Variants in ANKRD36C observed in about 807,000 individuals in gnomAD.
ANKRD36C encodes the protein ankyrin repeat domain-containing protein 36C.
Under a neutral mutation model 276.4 loss-of-function variants are expected in ANKRD36C, and 61 were observed. The ratio of observed to expected loss-of-function variants is 0.22; its 90% CI spans 0.18 to 0.27. The LOEUF is 0.27. ANKRD36C is among the 10% of genes least tolerant of loss of function. The pLI, the probability that ANKRD36C is intolerant of heterozygous loss-of-function variation, is 1.00. For missense variants in ANKRD36C, 1,447 were observed against 2,032.3 expected, an observed-to-expected ratio of 0.71 and a Z score of 5.54; for synonymous variants, 483 against 680.1, an observed-to-expected ratio of 0.71 and a Z score of 4.51.
At chr2:95,891,687 C>T (rs1573744432) in exon 46 of ANKRD36C, 1 of 1,570,982 alleles carries the variant, frequency 6.4e-7, no homozygotes, top group Non-Finnish European at 8.6e-7. Context: ...TTTCTCCATG[C>T]TTTTTTCCTC....
chr2:95,883,697 C>A (rs1214591178), intron 54 of ANKRD36C, among the ~76,000 whole-genome samples: 1 of 152,014 alleles, frequency 6.6e-6, no homozygotes. Flanking sequence ...ATTTTCCCTC[C>A]TTTCTGCCTG....
At chr2:95,880,780 G>T (rs1417567614) in intron 56 of ANKRD36C, among the ~76,000 whole-genome samples, 157 bp from the exon 77 acceptor site, 1 of 152,072 alleles carries the variant, frequency 6.6e-6, no homozygotes, top group Non-Finnish European at 1.5e-5. Context: ...TAATATGATA[G>T]AAATGCAATG....
chr2:95,921,841 G>A, intron 32 of ANKRD36C, 31 bp from the exon 33 acceptor site: 1 of 1,576,254 alleles, frequency 6.3e-7, no homozygotes, highest in Non-Finnish European at 8.6e-7. Context: ...TCACTCATAT[G>A]TAAATATGAT....
At chr2:95,921,760 A>G (rs754170822) in intron 33 of ANKRD36C, 22 bp downstream of exon 33, 1 of 1,598,968 alleles carries the variant, frequency 6.3e-7, no homozygotes, top group Non-Finnish European at 8.5e-7. Flanking sequence ...CTAGTTCACA[A>G]TATAAATGAA....
rs748533915 is a variant in ANKRD36C at position 95,855,462 on chromosome 2, G to A, written c.4799C>T (p.Ala1600Val). 1.9e-6 allele frequency: 3 copies of A among 1,612,316 alleles called. No individual in the cohort carries two copies. The Admixed American group carries it at 5.0e-5, about 27-fold the overall frequency. ...TTCTTGATTGTCAGCTTTGTTGCGAGCATCATCCAGTTGCTGTTGAAGCAA... is the reference window on the plus strand; with the variant it reads ...TTCTTGATTGTCAGCTTTGTTGCGAACATCATCCAGTTGCTGTTGAAGCAA... The change falls in exon 63 of 67, where the codon GCT (alanine) becomes GTT (valine). Residue 1600 changes from alanine (A) to valine (V), a missense_variant. Physicochemically the swap from Ala to Val is moderately conservative, Grantham distance 64. Coordinates refer to ENST00000456556, the Ensembl canonical transcript of ANKRD36C.
At chr2:95,919,056 A>C (rs566412057) in intron 34 of ANKRD36C, among the ~76,000 whole-genome samples, 3,406 of 135,376 alleles carry the variant, frequency 0.025, 209 homozygotes, top group African/African-American at 0.081. Context: ...GATGCCTAAT[A>C]GTAACAAAAA....
intron 34 of ANKRD36C, among the ~76,000 whole-genome samples, chr2:95,920,276 A>G (rs1254576971): frequency 7.5e-6 from 1 of 132,950 alleles, no homozygotes; most frequent in African/African-American, 2.6e-5. Flanking sequence ...CAGGTGCTAC[A>G]TGATCCCACA....
chr2:95,922,568 G>A (rs2696790), intron 32 of ANKRD36C, among the ~76,000 whole-genome samples: 1 of 151,502 alleles, frequency 6.6e-6, no homozygotes, highest in Admixed American at 6.6e-5. Flanking sequence ...ATTGGATATT[G>A]ATAAGCTTTT....
intron 8 of ANKRD36C, among the ~76,000 whole-genome samples, chr2:95,961,374 C>G (rs1304198531): frequency 6.6e-6 from 1 of 151,904 alleles, no homozygotes; most frequent in African/African-American, 2.4e-5. Context: ...TATAATAAAC[C>G]ATCAAATTTA....
chr2:95,944,458 C>T (rs549274639), intron 19 of ANKRD36C, among the ~76,000 whole-genome samples, 169 bp downstream of exon 19: 21 of 152,172 alleles, frequency 1.4e-4, no homozygotes, highest in African/African-American at 4.8e-4. Flanking sequence ...TCCTTGTCAT[C>T]GTTATAAAGA....
intron 1 of ANKRD36C, among the ~76,000 whole-genome samples, chr2:95,990,495 T>A (rs931935700): frequency 2.6e-5 from 4 of 152,210 alleles, no homozygotes; most frequent in African/African-American, 9.6e-5. Flanking sequence ...TAACAGCACA[T>A]TTTCATATCT....
intron 24 of ANKRD36C, among the ~76,000 whole-genome samples, chr2:95,933,854 A>T: frequency 6.6e-6 from 1 of 152,426 alleles, no homozygotes; most frequent in South Asian, 2.1e-4. Flanking sequence ...AATGTTCGCA[A>T]TCTCTCCATC....
chr2:95,875,536 G>T (rs1298429476), intron 59 of ANKRD36C, among the ~76,000 whole-genome samples: 201 of 114,278 alleles, frequency 1.8e-3, no homozygotes, highest in Non-Finnish European at 2.7e-3. Context: ...GTTGTGGGGT[G>T]GGGGGAGGGG....
intron 59 of ANKRD36C, among the ~76,000 whole-genome samples, chr2:95,870,745 G>A (rs1675789501): frequency 6.6e-6 from 1 of 152,110 alleles, no homozygotes; most frequent in African/African-American, 2.4e-5. Context: ...CAAACCAAAG[G>A]CGAAGAAGTT....
At chr2:95,858,457 C>T (rs150287453) in intron 61 of ANKRD36C, among the ~76,000 whole-genome samples, 7,400 of 152,130 alleles carry the variant, frequency 0.049, 258 homozygotes, top group Non-Finnish European at 0.074. Context: ...GTTTCTATTA[C>T]TAGTAACTCT....
chr2:95,856,092 G>T, exon 63 of ANKRD36C: 1 of 1,604,538 alleles, frequency 6.2e-7, no homozygotes, highest in Non-Finnish European at 8.5e-7. Context: ...GTTTTTTATT[G>T]TGTCTTTTTC....
intron 64 of ANKRD36C, 149 bp from the exon 85 acceptor site, chr2:95,852,345 C>A: frequency 1.5e-6 from 1 of 667,372 alleles, no homozygotes; most frequent in Admixed American, 3.0e-5. Flanking sequence ...GAAGTCATCC[C>A]ATTACCTGTT....
At chr2:95,991,807 G>C (rs548200158), upstream of ANKRD36C, 8 of 1,174,644 alleles carry the variant, frequency 6.8e-6, no homozygotes, top group Non-Finnish European at 8.4e-6. Context: ...GTCTGTCCAC[G>C]GACCTTCGCA....
chr2:95,967,290 A>C (rs1678611427), intron 6 of ANKRD36C, among the ~76,000 whole-genome samples: 1 of 152,216 alleles, frequency 6.6e-6, no homozygotes, highest in Non-Finnish European at 1.5e-5. Context: ...AACTTAAATA[A>C]ATTTACAAGA....
Sources: allele counts gnomAD v4.1 joint callset (sites outside exome capture counted in the v4.1 genomes callset), GRCh38; gene constraint gnomAD v4.1.1; transcripts MANE v1.5; gene names NCBI Gene and HGNC (gene_info 2026-07-23, HGNC 2026-07-21).